SLC6A15: variants seen among roughly 807,000 people sequenced by gnomAD.
SLC6A15 encodes solute carrier family 6 member 15.
A neutral mutation model predicts 68.5 loss-of-function variants in SLC6A15; 33 were observed. That is an observed-to-expected ratio of 0.48 (90% CI 0.37 to 0.64). SLC6A15 has a LOEUF of 0.64. Ranked by LOEUF, SLC6A15 falls within the 30% of genes least tolerant of loss-of-function variation. The pLI is 0.00. For synonymous variants in SLC6A15, 347 were observed against 301.0 expected (o/e 1.15, Z -1.58); for missense variants, 747 against 874.3 (o/e 0.85, Z 1.84).
chr12:84,900,964 A>G (rs900114025), intron 1 of SLC6A15, among the ~76,000 whole-genome samples: 2 of 144,552 alleles, frequency 1.4e-5, no homozygotes, highest in African/African-American at 5.2e-5. Flanking sequence ...GTATATATAT[A>G]CATACATATA....
chr12:84,881,009 G>A (rs1227828121), intron 5 of SLC6A15: 7 of 280,788 alleles, frequency 2.5e-5, no homozygotes, highest in Non-Finnish European at 3.2e-5. Context: ...AGTAAAATGG[G>A]GATAAAATAT....
chr12:84,871,885 G>T, intron 8 of SLC6A15, among the ~76,000 whole-genome samples: 1 of 152,104 alleles, frequency 6.6e-6, no homozygotes, highest in East Asian at 1.9e-4. Context: ...GGGCACGGTG[G>T]CTGAGGCCTG....
chr12:84,872,820 G>A, intron 7 of SLC6A15, 26 bp from the exon 8 acceptor site: 1 of 1,543,662 alleles, frequency 6.5e-7, no homozygotes, highest in Non-Finnish European at 8.8e-7. Context: ...ACATACAAAT[G>A]AGCACATAAG....
intron 6 of SLC6A15, among the ~76,000 whole-genome samples, chr12:84,876,207 G>A (rs1871532414): frequency 6.6e-6 from 1 of 151,442 alleles, no homozygotes; most frequent in African/African-American, 2.4e-5. Context: ...AAATTCTGAA[G>A]TCTAATCAGT....
intron 9 of SLC6A15, 128 bp from the exon 10 acceptor site, chr12:84,867,321 C>T: frequency 1.5e-6 from 1 of 678,158 alleles, no homozygotes; most frequent in South Asian, 3.2e-5. Context: ...ACAGGCAATA[C>T]CTTTCCTGAT....
intron 1 of SLC6A15, among the ~76,000 whole-genome samples, chr12:84,897,307 T>C (rs1185394282): frequency 1.3e-5 from 2 of 151,916 alleles, no homozygotes; most frequent in Non-Finnish European, 2.9e-5. Flanking sequence ...TAAAGAAAGT[T>C]CACAAAAAAG....
intron 1 of SLC6A15, among the ~76,000 whole-genome samples, chr12:84,905,436 C>A (rs925503677): frequency 1.3e-5 from 2 of 152,134 alleles, no homozygotes; most frequent in Non-Finnish European, 2.9e-5. Context: ...AAAAAATTTA[C>A]AGTTGATATT....
chr12:84,902,260 T>C (rs1872917087), intron 1 of SLC6A15, among the ~76,000 whole-genome samples: 1 of 152,042 alleles, frequency 6.6e-6, no homozygotes, highest in African/African-American at 2.4e-5. Flanking sequence ...AGTCACTATT[T>C]ATACTTCATT....
In SLC6A15 at chr12:84,860,289, A is replaced by C. The variant is rs1465973582; in HGVS notation, c.*1343T>G. The C allele has an allele frequency of 6.6e-6, 1 of 152,106 alleles. No individual in the cohort carries two copies. The highest frequency in any genetic ancestry group is 2.4e-5 in the African/African-American group (1 of 41,448). The allele number at this position is 152,106 out of a possible 1,614,324, so 9.4% of individuals were successfully genotyped here. On this transcript the variant is annotated 3_prime_UTR_variant, in exon 12 of 12. Transcript: ENST00000266682. ...GGATAAATGAAAGATTTTTAACTAG[A>C]GGACACTCAGTGAGGTTCCTCTGCT...
At chr12:84,906,987 G>A (rs1246363854) in intron 1 of SLC6A15, among the ~76,000 whole-genome samples, 1 of 151,884 alleles carries the variant, frequency 6.6e-6, no homozygotes, top group Non-Finnish European at 1.5e-5. Flanking sequence ...AAAAAAAAAA[G>A]CTTAAAAATG....
intron 7 of SLC6A15, 43 bp from the exon 8 acceptor site, chr12:84,872,837 T>C (rs1245418048): frequency 1.3e-6 from 2 of 1,489,668 alleles, no homozygotes; most frequent in Non-Finnish European, 9.1e-7. Flanking sequence ...TAAGAGTTCT[T>C]TGGTGTATAG....
rs1447618789 is a variant in SLC6A15 at position 84,892,086 on chromosome 12, A to G, written c.35T>C (p.Leu12Ser). 2 of 1,613,236 alleles carry G rather than the reference A, an allele frequency of 1.2e-6. No homozygotes were observed. Among genetic ancestry groups the G allele is most frequent in the Middle Eastern group, 1.7e-4 (1 of 6,058 alleles). ...PKNSKVVKRE[L>S]DDDVTESVKD... is the part of the protein sequence containing the mutation. ...GACAGACTCAGTAACATCATCATCT[A>G]ATTCTCTTTTTACCACCTTGCTATT... The change falls in exon 2 of 12, where the codon TTA becomes TCA. Residue 12 changes from leucine (L) to serine (S), a missense_variant. Physicochemically the swap from Leu to Ser is moderately radical, Grantham distance 145. Transcript: ENST00000266682.
intron 1 of SLC6A15, among the ~76,000 whole-genome samples, chr12:84,901,446 T>C (rs1435300765): frequency 6.6e-6 from 1 of 151,790 alleles, no homozygotes; most frequent in African/African-American, 2.4e-5. Flanking sequence ...CGTCATCATA[T>C]CTTATCTTTA....
chr12:84,864,920 G>C (rs925515393), intron 10 of SLC6A15, among the ~76,000 whole-genome samples: 2 of 152,012 alleles, frequency 1.3e-5, no homozygotes, highest in African/African-American at 4.8e-5. Flanking sequence ...GTACAAAATC[G>C]ACAGATGCAT....
At chr12:84,911,778 T>G (rs1470131609) in intron 1 of SLC6A15, among the ~76,000 whole-genome samples, 2 of 152,168 alleles carry the variant, frequency 1.3e-5, no homozygotes, top group East Asian at 3.9e-4. Flanking sequence ...TCTGGGTTTC[T>G]AACTGCTTCC....
At chr12:84,898,659 T>C (rs1872729676) in intron 1 of SLC6A15, among the ~76,000 whole-genome samples, 2 of 152,218 alleles carry the variant, frequency 1.3e-5, no homozygotes, top group African/African-American at 4.8e-5. Flanking sequence ...CATAAGTCAA[T>C]GTCAGCACAC....
intron 8 of SLC6A15, among the ~76,000 whole-genome samples, 161 bp downstream of exon 8, chr12:84,872,441 G>A (rs890371821): frequency 6.6e-6 from 1 of 152,046 alleles, no homozygotes; most frequent in African/African-American, 2.4e-5. Flanking sequence ...CTAAAATTAA[G>A]AATGTAAATT....
At chr12:84,904,784 TGA>T (rs1468057643) in intron 1 of SLC6A15, among the ~76,000 whole-genome samples, 1 of 152,104 alleles carries the variant, frequency 6.6e-6, no homozygotes, top group Non-Finnish European at 1.5e-5. Flanking sequence ...AAAATGACCA[TGA>T]GAGAATACTA....
Position 84,911,636 on chromosome 12 carries a change from C to T in SLC6A15, c.-189+887G>A, listed in dbSNP as rs577198192. 1.3e-3 allele frequency among the ~76,000 whole-genome samples: 204 copies of T among 152,306 alleles called. 1 individual carries two copies. Among genetic ancestry groups the T allele is most frequent in the Non-Finnish European group, 2.1e-3 (142 of 68,030 alleles). The stretch of plus-strand genomic sequence containing the variant: ...GTGGGTCATGCCTGTTCCCGAACGC[C>T]TCGGGCGTCTTGATTCATTCTTATG... On this transcript the variant is annotated intron_variant, in intron 1 of 11. Coordinates refer to ENST00000266682, the MANE Select transcript of SLC6A15 (RefSeq NM_182767.6).
Sources: gnomAD v4.1 joint callset for allele counts (sites outside exome capture counted in the v4.1 genomes callset) on GRCh38, gnomAD v4.1.1 for gene constraint, MANE v1.5 for transcripts, NCBI Gene and HGNC (gene_info 2026-07-23, HGNC 2026-07-21) for gene names.